SUDS3: variants seen among roughly 807,000 people sequenced by gnomAD.
SUDS3 encodes the protein SIN3A corepressor complex component SDS3.
Under a neutral mutation model 53.5 loss-of-function variants are expected in SUDS3, and 23 were observed. The ratio of observed to expected loss-of-function variants is 0.43; its 90% confidence interval spans 0.31 to 0.61. The LOEUF is 0.61. Ranked by LOEUF, SUDS3 falls within the 20% of genes least tolerant of loss-of-function variation. SUDS3 has a pLI of 0.10. For synonymous variants in SUDS3, 150 were observed against 148.5 expected, an observed-to-expected ratio of 1.01 and a Z score of -0.08; for missense variants, 291 against 405.9, an observed-to-expected ratio of 0.72 and a Z score of 2.43.
intron 4 of SUDS3, among the ~76,000 whole-genome samples, chr12:118,387,803 G>A (rs935855283): frequency 6.6e-6 from 1 of 152,074 alleles, no homozygotes; most frequent in Non-Finnish European, 1.5e-5. Flanking sequence ...CGCCCGGCTC[G>A]CCTTGGCCTC....
At chr12:118,406,609 AAT>A (rs1486016571) in intron 10 of SUDS3, among the ~76,000 whole-genome samples, 1 of 152,172 alleles carries the variant, frequency 6.6e-6, no homozygotes, top group East Asian at 1.9e-4. Context: ...GTTACAAAGT[AAT>A]AGAGTCAGTT....
chr12:118,411,185 G>C (rs2046356277), intron 11 of SUDS3, 28 bp downstream of exon 11: 1 of 1,565,392 alleles, frequency 6.4e-7, no homozygotes, highest in South Asian at 1.2e-5. Context: ...TCACCTTTAG[G>C]GAAGCAAAAT....
intron 4 of SUDS3, among the ~76,000 whole-genome samples, chr12:118,387,614 C>T (rs2046127081): frequency 2.0e-5 from 3 of 151,738 alleles, no homozygotes; most frequent in African/African-American, 7.3e-5. Flanking sequence ...TGTGGTGGCG[C>T]TATCTCAGCT....
At position 118,401,832 on chromosome 12, in the gene SUDS3, C is replaced by G; in HGVS notation, c.675+12C>G. On this transcript the variant is annotated intron_variant, in intron 8 of 11. Transcript: ENST00000543473. ...GAACATTAAATAAGGTACGGTTTGA[C>G]TTTTTTGATTTATTTGAAAACTCAG... 1 of 1,613,006 alleles carries G rather than the reference C, an allele frequency of 6.2e-7. No individual in the cohort carries two copies. The highest frequency in any genetic ancestry group is 2.2e-5 in the East Asian group (1 of 44,860).
At chr12:118,389,990 C>G in intron 5 of SUDS3, 44 bp downstream of exon 5, 1 of 1,613,296 alleles carries the variant, frequency 6.2e-7, no homozygotes, top group Non-Finnish European at 8.5e-7. Context: ...CTGTCTGAGA[C>G]TGGAATCTTG....
rs561729454 is a variant in SUDS3 at position 118,411,781 on chromosome 12, G to A, written c.888+624G>A. Among the ~76,000 whole-genome samples, 8 of 152,150 alleles carry A rather than the reference G, an allele frequency of 5.3e-5. No individual in the cohort carries two copies. In the East Asian group the frequency reaches 1.2e-3, roughly 22 times the overall value. On this transcript the variant is annotated intron_variant, in intron 11 of 11. Coordinates refer to ENST00000543473, the MANE Select transcript of SUDS3 (RefSeq NM_022491.3). ...CTCCCAAAGTGCTGGGATTACAGGC[G>A]TGAGCCACCACACCTGGCCAACTCC... is the stretch of plus-strand genomic sequence containing the variant.
At chr12:118,387,455 G>T (rs2046125213) in intron 4 of SUDS3, among the ~76,000 whole-genome samples, 1 of 152,190 alleles carries the variant, frequency 6.6e-6, no homozygotes, top group African/African-American at 2.4e-5. Flanking sequence ...AGTAAGGAAA[G>T]AAAATGGATG....
At chr12:118,400,941 G>T (rs2046258043) in intron 7 of SUDS3, among the ~76,000 whole-genome samples, 187 bp downstream of exon 7, 1 of 152,194 alleles carries the variant, frequency 6.6e-6, no homozygotes, top group Non-Finnish European at 1.5e-5. Flanking sequence ...GTCCTCATTT[G>T]CTACTGCTTT....
intron 3 of SUDS3, among the ~76,000 whole-genome samples, chr12:118,385,737 A>G (rs991922697): frequency 6.6e-6 from 1 of 152,212 alleles, no homozygotes; most frequent in Non-Finnish European, 1.5e-5. Flanking sequence ...TATAAAACAC[A>G]CCATTGCAGA....
intron 6 of SUDS3, among the ~76,000 whole-genome samples, 188 bp from the exon 7 acceptor site, chr12:118,400,471 G>T (rs2046253998): frequency 6.6e-6 from 1 of 152,180 alleles, no homozygotes; most frequent in Admixed American, 6.5e-5. Flanking sequence ...CAGCTGGTCT[G>T]AATCTTACAA....
chr12:118,397,322 C>A (rs919316633), intron 6 of SUDS3, among the ~76,000 whole-genome samples: 1 of 152,096 alleles, frequency 6.6e-6, no homozygotes, highest in Non-Finnish European at 1.5e-5. Flanking sequence ...CTTAGAGTCC[C>A]AGTCATAGGA....
rs368876796 is a variant in SUDS3 at position 118,410,251 on chromosome 12, GCCTT to G, written c.804-816_804-813del. On this transcript the variant is annotated intron_variant, in intron 10 of 11. Coordinates refer to ENST00000543473, the MANE Select transcript of SUDS3 (RefSeq NM_022491.3). ...ATGACTGACTAAAGGGTTAAAGTCAGCCTTCCTTCTTGTTGGTGACTGACTTGGA... is the reference window on the plus strand; with the variant it reads ...ATGACTGACTAAAGGGTTAAAGTCAGCCTTCTTGTTGGTGACTGACTTGGA... Among the ~76,000 whole-genome samples, 986 of 152,358 alleles carry G rather than the reference GCCTT, an allele frequency of 6.5e-3. 12 individuals carry two copies. The highest frequency in any genetic ancestry group is 0.011 in the South Asian group (52 of 4,832).
intron 6 of SUDS3, among the ~76,000 whole-genome samples, chr12:118,393,248 C>A (rs2046183837): frequency 6.6e-6 from 1 of 152,158 alleles, no homozygotes; most frequent in African/African-American, 2.4e-5. Context: ...GATTGATGCC[C>A]AATATCATTG....
chr12:118,416,811 TAG>T lies in SUDS3; in HGVS notation c.*2379_*2380del, dbSNP rs2046404861. 2 of 152,274 alleles carry T rather than the reference TAG, an allele frequency of 1.3e-5. No homozygotes were observed. The highest frequency in any genetic ancestry group is 4.1e-4 in the South Asian group (2 of 4,826). The allele number at this position is 152,274 out of a possible 1,614,324, so 9.4% of individuals were successfully genotyped here. A position where few individuals can be genotyped will look rare whatever the true frequency, so the allele number is the denominator to read the frequency against. On this transcript the variant is annotated 3_prime_UTR_variant, in exon 12 of 12. Transcript: ENST00000543473. ...TGAAGTTTCTAGACGAGAAGGAGGC[TAG>T]CTTCTAGCCTGGGTGGCCATTATTC...
At chr12:118,385,992 G>T (rs2046111361) in intron 3 of SUDS3, 122 bp from the exon 4 acceptor site, 1 of 783,836 alleles carries the variant, frequency 1.3e-6, no homozygotes, top group Admixed American at 2.3e-5. Context: ...CTTTGCTGAG[G>T]TGTGTCTTCC....
At chr12:118,378,482 CTTTTT>C (rs199742125) in intron 1 of SUDS3, among the ~76,000 whole-genome samples, 1 of 137,034 alleles carries the variant, frequency 7.3e-6, no homozygotes, top group Non-Finnish European at 1.6e-5. Context: ...TGTAAGTAAT[CTTTTT>C]TTTTTTTTTT....
intron 6 of SUDS3, among the ~76,000 whole-genome samples, chr12:118,394,476 A>G (rs2046196451): frequency 6.6e-6 from 1 of 152,148 alleles, no homozygotes; most frequent in Admixed American, 6.5e-5. Context: ...TCTCTTCACC[A>G]CCACTACTAC....
At chr12:118,407,639 G>T (rs1318644133) in intron 10 of SUDS3, among the ~76,000 whole-genome samples, 1 of 152,098 alleles carries the variant, frequency 6.6e-6, no homozygotes, top group Non-Finnish European at 1.5e-5. Flanking sequence ...TAGCCTTCCA[G>T]AGTCAGCTGT....
rs370035802 is a variant in SUDS3, at chr12:118,411,075, A to G, written c.806A>G (p.Tyr269Cys). 6.2e-7 allele frequency: 1 copy of G among 1,604,140 alleles called. No individual in the cohort carries two copies. Residue 269 changes from tyrosine (Y) to cysteine (C), a missense_variant and splice_region_variant, in exon 11 of 12, where the codon TAC becomes TGC. Physicochemically the swap from Tyr to Cys is radical, Grantham distance 194 (BLOSUM62 -2). Around this residue, in one of 4 missense-constraint regions of SUDS3, gnomAD observed 77 missense variants for 87.1 expected, o/e 0.88. Coordinates refer to ENST00000543473, the MANE Select transcript of SUDS3 (RefSeq NM_022491.3). ...AATGTGTGCCTTGTTTTTGTCAGGT[A>G]CCACAAGAGCCAGGCCATCTATCTG... is the stretch of plus-strand genomic sequence containing the variant. ...DGKLYYDKRW[Y>C]HKSQAIYLES... is the part of the protein sequence containing the mutation.
Sources: gnomAD v4.1 joint callset for allele counts (sites outside exome capture counted in the v4.1 genomes callset) on GRCh38, gnomAD v4.1.1 for gene constraint, gnomAD v4.1.1 regional missense constraint, MANE v1.5 for transcripts, NCBI Gene and HGNC (gene_info 2026-07-23, HGNC 2026-07-21) for gene names.